The following SYNE2 variants were observed in gnomAD, a reference collection of about 807,000 sequenced individuals.
The protein encoded by SYNE2 is spectrin repeat containing nuclear envelope protein 2, also known as nesprin-2.
Under a neutral mutation model 856.3 loss-of-function variants are expected in SYNE2, and 431 were observed. That is an observed-to-expected ratio of 0.50 (90% CI 0.47 to 0.55). The LOEUF (loss-of-function observed/expected upper bound fraction) is 0.55, where lower values mean the gene tolerates loss of function less well. SYNE2 is among the 20% of genes least tolerant of loss of function. SYNE2 has a pLI of 0.00. For synonymous variants in SYNE2, 2,923 were observed against 2,872.3 expected (o/e 1.02, Z -0.56); for missense variants, 8,129 against 8,023.2 (o/e 1.01, Z -0.50).
chr14:63,827,277 C>A (rs369982741), intron 1 of SYNE2, among the ~76,000 whole-genome samples: 274 of 128,804 alleles, frequency 2.1e-3, no homozygotes, highest in South Asian at 3.6e-3. Flanking sequence ...GACTCTGTCT[C>A]AAAAAAAAAA....
intron 1 of SYNE2, among the ~76,000 whole-genome samples, chr14:63,874,991 A>G (rs12590842): frequency 0.45 from 68,084 of 151,888 alleles, 16,033 homozygotes; most frequent in South Asian, 0.55. Context: ...GGTGTCATCT[A>G]AATTAATTTT....
At chr14:64,114,266 C>G (rs1166112089) in intron 66 of SYNE2, among the ~76,000 whole-genome samples, 1 of 152,068 alleles carries the variant, frequency 6.6e-6, no homozygotes, top group Non-Finnish European at 1.5e-5. Context: ...CAGGGAGAGG[C>G]TAGAATGATG....
At chr14:64,150,291 CAAAAAAAAAAAAAAAA>C (rs773488742) in intron 84 of SYNE2, among the ~76,000 whole-genome samples, 8 of 35,626 alleles carry the variant, frequency 2.2e-4, no homozygotes, top group Admixed American at 4.3e-4. Context: ...GATTCTCTCT[CAAAAAAAAAAAAAAAA>C]AAAAAAAAAA....
intron 1 of SYNE2, among the ~76,000 whole-genome samples, chr14:63,831,142 G>T (rs755384659): frequency 5.9e-5 from 9 of 151,806 alleles, no homozygotes; most frequent in Non-Finnish European, 7.4e-5. Flanking sequence ...GCACCCAGCC[G>T]ATCTCTTTAT....
Position 64,224,557 on chromosome 14 carries a change from C to T in SYNE2, c.20469+10C>T, listed in dbSNP as rs772174882. ...AGCTCCCCGAGCAAAGGTAAGAAGC[C>T]CCTTCCTTCTGTGAGAACCTCACTG... On this transcript the variant is annotated intron_variant, in intron 114 of 115. Coordinates refer to ENST00000555002, the MANE Select transcript of SYNE2 (RefSeq NM_182914.3). 4.3e-6 allele frequency: 7 copies of T among 1,613,826 alleles called. No homozygotes were observed. Among genetic ancestry groups the T allele is most frequent in the Non-Finnish European group, 5.9e-6 (7 of 1,179,944 alleles).
intron 8 of SYNE2, chr14:63,960,679 G>C: frequency 1.4e-6 from 1 of 703,916 alleles, no homozygotes; most frequent in Non-Finnish European, 2.6e-6. Flanking sequence ...TGTTCATTTT[G>C]TCTGTGACAT....
chr14:63,906,283 T>C (rs1457514798), intron 1 of SYNE2, among the ~76,000 whole-genome samples: 1 of 152,202 alleles, frequency 6.6e-6, no homozygotes, highest in Non-Finnish European at 1.5e-5. Flanking sequence ...GTTGTGTCTT[T>C]GCCAAATTTT....
chr14:63,831,264 G>T (rs1889658077), intron 1 of SYNE2, among the ~76,000 whole-genome samples: 1 of 152,088 alleles, frequency 6.6e-6, no homozygotes, highest in Non-Finnish European at 1.5e-5. Context: ...TCTGAATTTT[G>T]TTTGTGTTGT....
intron 61 of SYNE2, among the ~76,000 whole-genome samples, chr14:64,094,766 T>G (rs976667731): frequency 5.3e-5 from 8 of 152,224 alleles, no homozygotes; most frequent in African/African-American, 7.2e-5. Flanking sequence ...AGAGCTTTTG[T>G]TTATATGAAT....
Position 64,170,267 on chromosome 14 carries a change from G to A in SYNE2, c.17040G>A (p.Arg5680=), listed in dbSNP as rs778757649. 10 of 1,614,128 alleles carry A rather than the reference G, an allele frequency of 6.2e-6. No individual in the cohort carries two copies. Among genetic ancestry groups the A allele is most frequent in the Admixed American group, 1.7e-5 (1 of 60,032 alleles). ...FITEFSKLTD[R]WQNAVQGVRQ... is the part of the protein sequence containing the mutation. ...CAGAATTCTCAAAGCTGACGGATCG[G>A]TGGCAGAATGCTGTCCAGGGTGTTC... Residue 5680 remains arginine (R), a synonymous_variant, in exon 94 of 116, where the codon CGG becomes CGA. Transcript: ENST00000555002.
chr14:63,940,920 A>G (rs2095905601), intron 3 of SYNE2, among the ~76,000 whole-genome samples: 1 of 152,370 alleles, frequency 6.6e-6, no homozygotes, highest in Admixed American at 6.5e-5. Context: ...CTATAAAAAT[A>G]TTTAATCACA....
intron 45 of SYNE2, among the ~76,000 whole-genome samples, chr14:64,046,826 G>A (rs1158840910): frequency 6.6e-6 from 1 of 152,228 alleles, no homozygotes; most frequent in Non-Finnish European, 1.5e-5. Context: ...AGCAAGCGCT[G>A]TGTGGGGCCC....
chr14:63,820,133 CT>C (rs1313212271), intron 1 of SYNE2, among the ~76,000 whole-genome samples: 1 of 151,794 alleles, frequency 6.6e-6, no homozygotes, highest in Non-Finnish European at 1.5e-5. Context: ...GGAAAAATGA[CT>C]CTGAAAAAGG....
intron 1 of SYNE2, among the ~76,000 whole-genome samples, chr14:63,840,723 AC>A (rs1464974527): frequency 6.6e-6 from 1 of 151,924 alleles, no homozygotes; most frequent in African/African-American, 2.4e-5. Context: ...TTAACTAATA[AC>A]TGTAGAGGCT....
At chr14:64,191,090 A>G (rs1295227074) in intron 99 of SYNE2, 1 of 689,712 alleles carries the variant, frequency 1.4e-6, no homozygotes, top group Admixed American at 2.0e-5. Context: ...GAGAACCTAT[A>G]AGGTGAATAA....
At chr14:63,794,302 A>G (rs1448010557) in intron 1 of SYNE2, among the ~76,000 whole-genome samples, 1 of 151,954 alleles carries the variant, frequency 6.6e-6, no homozygotes, top group Admixed American at 6.6e-5. Flanking sequence ...GCTCACCACA[A>G]CCTCCGCCTC....
rs541702351 is a variant in SYNE2 at position 64,074,765 on chromosome 14, G to A, written c.10866+629G>A. Reference sequence around the variant, plus strand: ...ACAAAAATTAGCCAGGCATGGTAGCGTGTGCCTATAATCCCAGCTACTGGG... The same window carrying A: ...ACAAAAATTAGCCAGGCATGGTAGCATGTGCCTATAATCCCAGCTACTGGG... On this transcript the variant is annotated intron_variant, in intron 53 of 115. Transcript: ENST00000555002. 4.6e-5 allele frequency among the ~76,000 whole-genome samples: 7 copies of A among 152,148 alleles called. No homozygotes were observed. In the South Asian group the frequency reaches 8.3e-4, roughly 18 times the overall value.
Position 64,002,886 on chromosome 14 carries a change from G to A in SYNE2, c.3953G>A (p.Ser1318Asn). 6.2e-7 allele frequency: 1 copy of A among 1,614,186 alleles called. No homozygotes were observed. Among genetic ancestry groups the A allele is most frequent in the Non-Finnish European group, 8.5e-7 (1 of 1,180,032 alleles). The change falls in exon 30 of 116, where the codon AGT becomes AAT. Residue 1318 changes from serine to asparagine, a missense_variant. Physicochemically the swap from Ser to Asn is conservative, Grantham distance 46. Around this residue, in one of 3 missense-constraint regions of SYNE2, gnomAD observed 2,422 missense variants for 2,357.4 expected, o/e 1.03. Coordinates refer to ENST00000555002, the MANE Select transcript of SYNE2 (RefSeq NM_182914.3). ...FEGMNHRVQR[S>N]EDTLKALEDF... ...GGAATGAACCACAGGGTGCAGAGGA[G>A]TGAAGATACTCTCAAAGCTCTGGAA...
At chr14:63,943,225 T>C (rs2095952578) in intron 6 of SYNE2, among the ~76,000 whole-genome samples, 3 of 152,332 alleles carry the variant, frequency 2.0e-5, no homozygotes, top group South Asian at 4.1e-4. Flanking sequence ...TTCACAGATA[T>C]TTTTGAACAC....
Sources: gnomAD v4.1 joint callset for allele counts (sites outside exome capture counted in the v4.1 genomes callset) on GRCh38, gnomAD v4.1.1 for gene constraint, gnomAD v4.1.1 regional missense constraint, MANE v1.5 for transcripts, NCBI Gene and HGNC (gene_info 2026-07-23, HGNC 2026-07-21) for gene names.